The following FADD variants were observed in gnomAD, a reference collection of about 807,000 sequenced individuals.
FADD encodes FAS-associated death domain protein.
Under a neutral mutation model 5.8 loss-of-function variants are expected in FADD, and 3 were observed. The observed-to-expected ratio is 0.52, with a 90% CI of 0.24 to 1.34. The LOEUF (loss-of-function observed/expected upper bound fraction) is 1.34, where lower values mean the gene tolerates loss of function less well. FADD is among the 40% of genes most tolerant of loss of function. FADD has a pLI of 0.17. For synonymous variants in FADD, 138 were observed against 130.8 expected, an observed-to-expected ratio of 1.06 and a Z score of -0.38; for missense variants, 249 against 286.7, an observed-to-expected ratio of 0.87 and a Z score of 0.95.
intron 1 of FADD, among the ~76,000 whole-genome samples, chr11:70,205,166 G>T (rs561156598): frequency 2.0e-5 from 3 of 152,146 alleles, no homozygotes; most frequent in African/African-American, 7.2e-5. Context: ...ACCTGCCAAC[G>T]GTGTCTCAGA....
chr11:70,206,138 T>C lies in FADD; in HGVS notation c.292T>C (p.Cys98Arg), dbSNP rs1489308749. The change falls in exon 2 of 2, where the codon TGT becomes CGT. Residue 98 changes from cysteine to arginine, a missense_variant. By Grantham distance (180) the Cys-to-Arg change is radical. Coordinates refer to ENST00000301838, the MANE Select transcript of FADD (RefSeq NM_003824.4). ...TTCTGTTCTTTCCTTCCCAGACCTG[T>C]GTGCAGCATTTAACGTCATATGTGA... is the stretch of plus-strand genomic sequence containing the variant. Reference protein sequence around the residue: ...AGAAPGEEDLCAAFNVICDNV... With the variant: ...AGAAPGEEDLRAAFNVICDNV... 2 of 1,613,682 alleles carry C rather than the reference T, an allele frequency of 1.2e-6. No individual in the cohort carries two copies. The highest frequency in any genetic ancestry group is 1.7e-6 in the Non-Finnish European group (2 of 1,179,692).
intron 1 of FADD, among the ~76,000 whole-genome samples, chr11:70,204,415 C>T (rs1197137528): frequency 6.6e-6 from 1 of 152,236 alleles, no homozygotes. Context: ...CTCTCGGTCA[C>T]TCCCTCTCCA....
intron 1 of FADD, 53 bp downstream of exon 1, chr11:70,203,798 T>G (rs1166051604): frequency 1.1e-6 from 1 of 901,498 alleles, no homozygotes; most frequent in East Asian, 3.4e-5. Flanking sequence ...CGGCTGTAGG[T>G]GCTGCGAGGC....
At chr11:70,204,144 G>T (rs2049442737) in intron 1 of FADD, among the ~76,000 whole-genome samples, 1 of 152,206 alleles carries the variant, frequency 6.6e-6, no homozygotes, top group Admixed American at 6.5e-5. Flanking sequence ...CTACCCAGGG[G>T]CTTACAGTGT....
Position 70,206,148 on chromosome 11 carries a change from T to A in FADD, c.302T>A (p.Phe101Tyr), listed in dbSNP as rs1484994402. 2 of 1,614,012 alleles carry A rather than the reference T, an allele frequency of 1.2e-6. No homozygotes were observed. Among genetic ancestry groups the A allele is most frequent in the Non-Finnish European group, 1.7e-6 (2 of 1,179,936 alleles). Reference sequence around the variant, plus strand: ...TCCTTCCCAGACCTGTGTGCAGCATTTAACGTCATATGTGATAATGTGGGG... The same window carrying A: ...TCCTTCCCAGACCTGTGTGCAGCATATAACGTCATATGTGATAATGTGGGG... ...APGEEDLCAA[F>Y]NVICDNVGKD... is the part of the protein sequence containing the mutation. Residue 101 changes from phenylalanine to tyrosine, a missense_variant, in exon 2 of 2, where the codon TTT becomes TAT. By Grantham distance (22) the Phe-to-Tyr change is conservative. Coordinates refer to ENST00000301838, the MANE Select transcript of FADD (RefSeq NM_003824.4).
chr11:70,203,494 C>A lies in FADD; in HGVS notation c.35C>A (p.Ser12Ter). The A allele has an allele frequency of 6.2e-7, 1 of 1,600,606 alleles. No individual in the cohort carries two copies. The highest frequency in any genetic ancestry group is 2.3e-5 in the East Asian group (1 of 44,192). The change falls in exon 1 of 2, where the codon TCG becomes TAG. Residue 12 changes from serine to a stop codon, truncating the protein, a stop_gained. Coordinates refer to ENST00000301838, the MANE Select transcript of FADD (RefSeq NM_003824.4). LOFTEE classifies it high-confidence loss of function. ...TTCCTGGTGCTGCTGCACTCGGTGTCGTCCAGCCTGTCGAGCAGCGAGCTG... is the reference window on the plus strand; with the variant it reads ...TTCCTGGTGCTGCTGCACTCGGTGTAGTCCAGCCTGTCGAGCAGCGAGCTG... Reference protein sequence around the residue: ...DPFLVLLHSVSSSLSSSELTE... With the variant: ...DPFLVLLHSV
chr11:70,203,345 G>T lies in FADD; in HGVS notation c.-115G>T, dbSNP rs41268209. 4.7e-3 allele frequency: 7,089 copies of T among 1,511,168 alleles called. 21 individuals carry two copies. The highest frequency in any genetic ancestry group is 9.2e-3 in the Admixed American group (411 of 44,698). The allele number at this position is 1,511,168 out of a possible 1,614,324, so 93.6% of individuals were successfully genotyped here. The stretch of plus-strand genomic sequence containing the variant: ...ATCAGGCACCGGAGTGCAGGTTCGG[G>T]GGTGGAATCCTTGGGCCGCTGGGCA... On this transcript the variant is annotated 5_prime_UTR_variant, in exon 1 of 2. Transcript: ENST00000301838.
rs2049468304 is a variant in FADD at position 70,207,069 on chromosome 11, G to A, written c.*596G>A. 2 of 162,068 alleles carry A rather than the reference G, an allele frequency of 1.2e-5. No individual in the cohort carries two copies. The highest frequency in any genetic ancestry group is 5.6e-5 in the Admixed American group (1 of 17,822). 10.0% of individuals were successfully genotyped at this position (162,068 alleles called of 1,614,324 possible). A position where few individuals can be genotyped will look rare whatever the true frequency, so the allele number is the denominator to read the frequency against. Reference sequence around the variant, plus strand: ...TGGGGGTGGGGAGACCTGGTTGGCCGTGGTCCAGCTCTTGGCCCCTGTGTG... The same window carrying A: ...TGGGGGTGGGGAGACCTGGTTGGCCATGGTCCAGCTCTTGGCCCCTGTGTG... On this transcript the variant is annotated 3_prime_UTR_variant, in exon 2 of 2. Coordinates refer to ENST00000301838, the MANE Select transcript of FADD (RefSeq NM_003824.4).
chr11:70,203,887 C>T (rs2049441089), intron 1 of FADD, 142 bp downstream of exon 1: 1 of 436,240 alleles, frequency 2.3e-6, no homozygotes, highest in Non-Finnish European at 3.9e-6. Context: ...CCTGGTTTTG[C>T]AGATGGGAGA....
chr11:70,206,086 G>A (rs370851505), intron 1 of FADD, 47 bp from the exon 2 acceptor site: 16 of 1,530,340 alleles, frequency 1.0e-5, no homozygotes, highest in East Asian at 6.8e-5. Flanking sequence ...TTGTGGGGTC[G>A]CTTGTCTCCA....
At position 70,203,319 on chromosome 11, in the gene FADD, A is replaced by C; in HGVS notation, c.-141A>C. The C allele has an allele frequency of 7.0e-7, 1 of 1,434,748 alleles. No homozygotes were observed. Among genetic ancestry groups the C allele is most frequent in the Non-Finnish European group, 9.2e-7 (1 of 1,083,400 alleles). The allele number at this position is 1,434,748 out of a possible 1,614,324, so 88.9% of individuals were successfully genotyped here. ...GCGCTCTTGTCGATTTCCTGTAGTG[A>C]ATCAGGCACCGGAGTGCAGGTTCGG... On this transcript the variant is annotated 5_prime_UTR_variant, in exon 1 of 2. Transcript: ENST00000301838.
Position 70,206,288 on chromosome 11 carries a change from T to C in FADD, c.442T>C (p.Trp148Arg). ...GCGTGTGCGGGAGTCACTGAGAATC[T>C]GGAAGAACACAGAGAAGGAGAACGC... ...TERVRESLRIWKNTEKENATV... is the reference protein window; with the variant it reads ...TERVRESLRIRKNTEKENATV... Residue 148 changes from tryptophan (W) to arginine (R), a missense_variant, in exon 2 of 2, where the codon TGG becomes CGG. By Grantham distance (101) the Trp-to-Arg change is moderately radical. Coordinates refer to ENST00000301838, the MANE Select transcript of FADD (RefSeq NM_003824.4). The C allele has an allele frequency of 6.2e-7, 1 of 1,614,136 alleles. No homozygotes were observed.
rs560531486 is a variant in FADD, at chr11:70,203,771, G to C, written c.286+26G>C. On this transcript the variant is annotated intron_variant, in intron 1 of 1. Coordinates refer to ENST00000301838, the MANE Select transcript of FADD (RefSeq NM_003824.4). Reference sequence around the variant, plus strand: ...GTGGGCGCGGGGCCGGGCCGGGGGAGCCAGGGCCTGGTCGCCCGGCTGTAG... The same window carrying C: ...GTGGGCGCGGGGCCGGGCCGGGGGACCCAGGGCCTGGTCGCCCGGCTGTAG... The C allele has an allele frequency of 6.0e-4, 712 of 1,179,710 alleles. 1 individual carries two copies. Among genetic ancestry groups the C allele is most frequent in the Middle Eastern group, 1.6e-3 (6 of 3,770 alleles). The allele number at this position is 1,179,710 out of a possible 1,614,324, so 73.1% of individuals were successfully genotyped here.
rs549411886 is a variant in FADD, at chr11:70,203,347, G to A, written c.-113G>A. ...CAGGCACCGGAGTGCAGGTTCGGGG[G>A]TGGAATCCTTGGGCCGCTGGGCAAG... On this transcript the variant is annotated 5_prime_UTR_variant, in exon 1 of 2. The change creates a new upstream start codon in the 5' untranslated region. Coordinates refer to ENST00000301838, the MANE Select transcript of FADD (RefSeq NM_003824.4). 6.6e-7 allele frequency: 1 copy of A among 1,514,320 alleles called. No individual in the cohort carries two copies. Among genetic ancestry groups the A allele is most frequent in the African/African-American group, 1.4e-5 (1 of 71,410 alleles). The allele number at this position is 1,514,320 out of a possible 1,614,324, so 93.8% of individuals were successfully genotyped here. A position where few individuals can be genotyped will look rare whatever the true frequency, so the allele number is the denominator to read the frequency against.
chr11:70,203,482 T>A lies in FADD; in HGVS notation c.23T>A (p.Leu8Gln). 1 of 1,592,656 alleles carries A rather than the reference T, an allele frequency of 6.3e-7. No individual in the cohort carries two copies. ...GCCATGGACCCGTTCCTGGTGCTGC[T>A]GCACTCGGTGTCGTCCAGCCTGTCG... MDPFLVLLHSVSSSLSSS... is the reference protein window; with the variant it reads MDPFLVLQHSVSSSLSSS... The change falls in exon 1 of 2, where the codon CTG (leucine) becomes CAG (glutamine). Residue 8 changes from leucine (L) to glutamine (Q), a missense_variant. Coordinates refer to ENST00000301838, the MANE Select transcript of FADD (RefSeq NM_003824.4).
chr11:70,204,278 G>T (rs753956978), intron 1 of FADD, among the ~76,000 whole-genome samples: 7 of 152,210 alleles, frequency 4.6e-5, no homozygotes, highest in Non-Finnish European at 8.8e-5. Flanking sequence ...AAGTGGCTTT[G>T]TCGAAATGCG....
chr11:70,203,413 G>C lies in FADD; in HGVS notation c.-47G>C. ...AGGGCCAGCGAGCCGAGGACAGAGG[G>C]CGCACGGAGGGCCGGGCCGCAGCCC... On this transcript the variant is annotated 5_prime_UTR_variant, in exon 1 of 2. Coordinates refer to ENST00000301838, the MANE Select transcript of FADD (RefSeq NM_003824.4). 6.5e-7 allele frequency: 1 copy of C among 1,548,560 alleles called. No homozygotes were observed. The highest frequency in any genetic ancestry group is 8.7e-7 in the Non-Finnish European group (1 of 1,146,738).
Position 70,206,722 on chromosome 11 carries a change from A to G in FADD, c.*249A>G, listed in dbSNP as rs1444086452. 1 of 514,504 alleles carries G rather than the reference A, an allele frequency of 1.9e-6. No individual in the cohort carries two copies. The highest frequency in any genetic ancestry group is 1.9e-5 in the African/African-American group (1 of 51,982). The allele number at this position is 514,504 out of a possible 1,614,324, so 31.9% of individuals were successfully genotyped here. A position where few individuals can be genotyped will look rare whatever the true frequency, so the allele number is the denominator to read the frequency against. On this transcript the variant is annotated 3_prime_UTR_variant, in exon 2 of 2. Transcript: ENST00000301838. ...CTGAGCAAGATCTTGTCTCCACTAA[A>G]TGAGCTCCTGCGGGAGTAGTTGGAA...
At chr11:70,204,586 T>G (rs1449628963) in intron 1 of FADD, among the ~76,000 whole-genome samples, 1 of 152,156 alleles carries the variant, frequency 6.6e-6, no homozygotes, top group Non-Finnish European at 1.5e-5. Context: ...GAATCAGCCA[T>G]TCAGTCACCA....
Sources: gnomAD v4.1 joint callset for allele counts (sites outside exome capture counted in the v4.1 genomes callset) on GRCh38, gnomAD v4.1.1 for gene constraint, MANE v1.5 for transcripts, NCBI Gene and HGNC (gene_info 2026-07-23, HGNC 2026-07-21) for gene names.